Variants in CHRNA4 observed in about 807,000 individuals in gnomAD.
The protein encoded by CHRNA4 is cholinergic receptor nicotinic alpha 4 subunit.
In CHRNA4, 28 loss-of-function variants were observed where a neutral mutation model predicts 48.9. The ratio of observed to expected loss-of-function variants is 0.57; its 90% CI spans 0.42 to 0.79. The LOEUF (loss-of-function observed/expected upper bound fraction) is 0.79, where lower values mean the gene tolerates loss of function less well. Ranked by LOEUF, CHRNA4 falls within the 30% of genes least tolerant of loss-of-function variation. CHRNA4 has a pLI of 0.00. For synonymous variants in CHRNA4, 425 were observed against 402.3 expected, an observed-to-expected ratio of 1.06 and a Z score of -0.68; for missense variants, 859 against 898.4, an observed-to-expected ratio of 0.96 and a Z score of 0.56.
At chr20:63,357,534 G>C (rs1385389041) in intron 2 of CHRNA4, among the ~76,000 whole-genome samples, 1 of 152,230 alleles carries the variant, frequency 6.6e-6, no homozygotes, top group African/African-American at 2.4e-5. Flanking sequence ...TCTGCAGCCA[G>C]TCCTGGGGCC....
At position 63,343,875 on chromosome 20, in the gene CHRNA4, G is replaced by A. The variant is rs1407704898; in HGVS notation, c.*2863C>T. 1.8e-5 allele frequency: 8 copies of A among 454,068 alleles called. No individual in the cohort carries two copies. In the Admixed American group the frequency reaches 1.9e-4, roughly 11 times the overall value. The allele number at this position is 454,068 out of a possible 1,614,324, so 28.1% of individuals were successfully genotyped here. On this transcript the variant is annotated 3_prime_UTR_variant, in exon 6 of 6. Coordinates refer to ENST00000370263, the MANE Select transcript of CHRNA4 (RefSeq NM_000744.7). ...ATAGGGGGTCGGGGGTCACAGCCCT[G>A]GCAAGGTGGGTTCTAGGCAAGCTGT...
At position 63,361,311 on chromosome 20, in the gene CHRNA4, G is replaced by C; in HGVS notation, c.-146C>G. The C allele has an allele frequency of 8.2e-7, 1 of 1,216,386 alleles. No individual in the cohort carries two copies. Among genetic ancestry groups the C allele is most frequent in the East Asian group, 3.9e-5 (1 of 25,574 alleles). The allele number at this position is 1,216,386 out of a possible 1,614,324, so 75.3% of individuals were successfully genotyped here. On this transcript the variant is annotated 5_prime_UTR_variant, in exon 1 of 6. Transcript: ENST00000370263. ...GGTTCGTCTTCTCCTGTGGGGCGCGGTGCGGCGGCGGCGCGGCAGGGAGCG... is the reference window on the plus strand; with the variant it reads ...GGTTCGTCTTCTCCTGTGGGGCGCGCTGCGGCGGCGGCGCGGCAGGGAGCG...
At chr20:63,353,525 GTGGTCCTAGAGGGGGCCA>G (rs1370634405) in intron 4 of CHRNA4, among the ~76,000 whole-genome samples, 2 of 101,290 alleles carry the variant, frequency 2.0e-5, no homozygotes, top group Non-Finnish European at 4.2e-5. Context: ...CTGGGGGGCT[GTGGTCCTAGAGGGGGCCA>G]TGGTCCTGGA....
At position 63,346,580 on chromosome 20, in the gene CHRNA4, C is replaced by A; in HGVS notation, c.*158G>T. Reference sequence around the variant, plus strand: ...GTCTCCCCAGAGGCCGTGTCCCCGTCCAAGGCCGTCTTACAGCAGACACAG... The same window carrying A: ...GTCTCCCCAGAGGCCGTGTCCCCGTACAAGGCCGTCTTACAGCAGACACAG... On this transcript the variant is annotated 3_prime_UTR_variant, in exon 6 of 6. Transcript: ENST00000370263. The A allele has an allele frequency of 9.3e-7, 1 of 1,069,830 alleles. No homozygotes were observed. Among genetic ancestry groups the A allele is most frequent in the Non-Finnish European group, 1.4e-6 (1 of 724,270 alleles). 66.3% of individuals were successfully genotyped at this position (1,069,830 alleles called of 1,614,324 possible).
rs2068469577 is a variant in CHRNA4 at position 63,345,102 on chromosome 20, CAG to C, written c.*1634_*1635del. The C allele has an allele frequency of 4.4e-6, 2 of 453,956 alleles. No homozygotes were observed. The highest frequency in any genetic ancestry group is 3.1e-5 in the South Asian group (2 of 64,478). 28.1% of individuals were successfully genotyped at this position (453,956 alleles called of 1,614,324 possible). A position where few individuals can be genotyped will look rare whatever the true frequency, so the allele number is the denominator to read the frequency against. On this transcript the variant is annotated 3_prime_UTR_variant, in exon 6 of 6. Coordinates refer to ENST00000370263, the MANE Select transcript of CHRNA4 (RefSeq NM_000744.7). The surrounding 1 kb of genome is among the most constrained non-coding windows in gnomAD (Gnocchi z 5.4). ...ACTCACGTCACTGCCCGCGGGGACACAGCGGCATTTCTGGGGCACTCGGCATG... is the reference window on the plus strand; with the variant it reads ...ACTCACGTCACTGCCCGCGGGGACACCGGCATTTCTGGGGCACTCGGCATG...
In CHRNA4 at chr20:63,350,841, G is replaced by T; in HGVS notation, c.570C>A (p.Asp190Glu). 1 of 1,614,008 alleles carries T rather than the reference G, an allele frequency of 6.2e-7. No homozygotes were observed. The change falls in exon 5 of 6, where the codon GAC becomes GAA. Residue 190 changes from aspartate (D) to glutamate (E), a missense_variant. Transcript: ENST00000370263. The stretch of plus-strand genomic sequence containing the variant: ...CCACGCGGCTGTGCATGTTCACCAG[G>T]TCGATCTTGGCCTTGTCGTAGGTCC... ...GSWTYDKAKI[D>E]LVNMHSRVDQ...
chr20:63,351,333 T>G (rs1011498222), intron 4 of CHRNA4, among the ~76,000 whole-genome samples: 2 of 152,216 alleles, frequency 1.3e-5, no homozygotes, highest in African/African-American at 4.8e-5. Context: ...ACTGTTCGTC[T>G]TCTCACCTAC....
intron 1 of CHRNA4, 49 bp from the exon 2 acceptor site, chr20:63,359,748 C>T (rs780566022): frequency 5.7e-6 from 9 of 1,592,192 alleles, no homozygotes; most frequent in South Asian, 2.2e-5. Context: ...GGACAGGAGC[C>T]GGGAGCTGTC....
At chr20:63,347,577 G>A (rs1363486543) in intron 5 of CHRNA4, among the ~76,000 whole-genome samples, 1 of 152,218 alleles carries the variant, frequency 6.6e-6, no homozygotes, top group Non-Finnish European at 1.5e-5. Flanking sequence ...AGAGGCAGTG[G>A]CCTGGTCAGG....
At chr20:63,354,767 C>G in intron 4 of CHRNA4, 1 of 436,626 alleles carries the variant, frequency 2.3e-6, no homozygotes. Context: ...GAAATGTGTC[C>G]ATGCGAGTCA....
chr20:63,352,223 C>A (rs1253131910), intron 4 of CHRNA4, among the ~76,000 whole-genome samples: 1 of 152,202 alleles, frequency 6.6e-6, no homozygotes, highest in Non-Finnish European at 1.5e-5. Flanking sequence ...GCAGAGCTGG[C>A]GACTGTTCCC....
chr20:63,350,005 T>C lies in CHRNA4; in HGVS notation c.1406A>G (p.Gln469Arg). The change falls in exon 5 of 6, where the codon CAG (glutamine) becomes CGG (arginine). Residue 469 changes from glutamine to arginine, a missense_variant. By Grantham distance (43) the Gln-to-Arg change is conservative. Around this residue, in one of 3 missense-constraint regions of CHRNA4, gnomAD observed 478 missense variants for 455.4 expected, o/e 1.05. Transcript: ENST00000370263. The stretch of plus-strand genomic sequence containing the variant: ...CGCTTCGCCAGGGCTGGACATGTGC[T>C]GGACGCTGAGGGACCTGGCTTTGGC... The part of the protein sequence containing the change: ...GLAKARSLSV[Q>R]HMSSPGEAVE... The C allele has an allele frequency of 4.6e-6, 7 of 1,536,932 alleles. No homozygotes were observed. Among genetic ancestry groups the C allele is most frequent in the Non-Finnish European group, 5.3e-6 (6 of 1,141,480 alleles).
chr20:63,351,459 C>T (rs2068614969), intron 4 of CHRNA4, among the ~76,000 whole-genome samples: 1 of 152,208 alleles, frequency 6.6e-6, no homozygotes, highest in Non-Finnish European at 1.5e-5. Flanking sequence ...TACCCTTATC[C>T]ATGAGTGGCG....
Position 63,356,709 on chromosome 20 carries a change from G to A in CHRNA4, c.229-294C>T, listed in dbSNP as rs2273504. 99,156 of 524,656 alleles carry A rather than the reference G, an allele frequency of 0.19. 10,986 individuals carry two copies. The highest frequency in any genetic ancestry group is 0.46 in the East Asian group (13,852 of 29,936). The allele number at this position is 524,656 out of a possible 1,614,324, so 32.5% of individuals were successfully genotyped here. The stretch of plus-strand genomic sequence containing the variant: ...CTAAGGACAGGTGTGGCGGGCATGG[G>A]GAGCCTCCTTCTGCCCACCTGCCTT... On this transcript the variant is annotated intron_variant, in intron 2 of 5. Coordinates refer to ENST00000370263, the MANE Select transcript of CHRNA4 (RefSeq NM_000744.7).
chr20:63,343,648 C>T lies in CHRNA4; in HGVS notation c.*3090G>A. 2.2e-6 allele frequency: 1 copy of T among 450,678 alleles called. No individual in the cohort carries two copies. The highest frequency in any genetic ancestry group is 1.6e-5 in the South Asian group (1 of 64,336). 27.9% of individuals were successfully genotyped at this position (450,678 alleles called of 1,614,324 possible). A position where few individuals can be genotyped will look rare whatever the true frequency, so the allele number is the denominator to read the frequency against. Reference sequence around the variant, plus strand: ...CCCAGGCCGGGCCACACGGGAAGCACCCAGGCCGGTCCGGAGGCAGAAGGG... The same window carrying T: ...CCCAGGCCGGGCCACACGGGAAGCATCCAGGCCGGTCCGGAGGCAGAAGGG... On this transcript the variant is annotated 3_prime_UTR_variant, in exon 6 of 6. Transcript: ENST00000370263.
chr20:63,347,261 G>A (rs2068510747), intron 5 of CHRNA4, among the ~76,000 whole-genome samples: 1 of 152,200 alleles, frequency 6.6e-6, no homozygotes, highest in Non-Finnish European at 1.5e-5. Context: ...GCTCACCAGC[G>A]CTGGGAGGGC....
In CHRNA4 at chr20:63,349,744, G is replaced by C. The variant is rs77345643; in HGVS notation, c.1667C>G (p.Pro556Arg). ...VKTRSTKAPPPHLPLSPALTR... is the reference protein window; with the variant it reads ...VKTRSTKAPPRHLPLSPALTR... The stretch of plus-strand genomic sequence containing the variant: ...CAGGGCCGGCGACAGGGGCAGGTGC[G>C]GGGGCGGCGCTTTGGTGCTGCGGGT... The change falls in exon 5 of 6, where the codon CCG becomes CGG. Residue 556 changes from proline (P) to arginine (R), a missense_variant. Physicochemically the swap from Pro to Arg is moderately radical, Grantham distance 103. Coordinates refer to ENST00000370263, the MANE Select transcript of CHRNA4 (RefSeq NM_000744.7). 18 of 1,612,330 alleles carry C rather than the reference G, an allele frequency of 1.1e-5. No homozygotes were observed. Among genetic ancestry groups the C allele is most frequent in the East Asian group, 6.7e-5 (3 of 44,864 alleles).
intron 4 of CHRNA4, among the ~76,000 whole-genome samples, chr20:63,352,937 G>A (rs974882349): frequency 4.2e-5 from 6 of 141,988 alleles, no homozygotes; most frequent in Admixed American, 6.9e-5. Context: ...GGAGAACCCC[G>A]TTTGGGCTGA....
chr20:63,355,828 G>A (rs565024139), intron 4 of CHRNA4, 147 bp downstream of exon 4: 2 of 1,142,698 alleles, frequency 1.8e-6, no homozygotes, highest in South Asian at 2.7e-5. Context: ...TTCCTTCCTG[G>A]GCCTGGGCTG....
Sources: gnomAD v4.1 joint callset for allele counts (sites outside exome capture counted in the v4.1 genomes callset) on GRCh38, gnomAD v4.1.1 for gene constraint, gnomAD v4.1.1 regional missense constraint, Gnocchi (gnomAD v3.1) non-coding constraint, MANE v1.5 for transcripts, NCBI Gene and HGNC (gene_info 2026-07-23, HGNC 2026-07-21) for gene names.